IL21R: variants seen among roughly 807,000 people sequenced by gnomAD.
The protein encoded by IL21R is interleukin 21 receptor.
IL21R carries 14 observed loss-of-function variants against 41.3 expected under a neutral mutation model. The ratio of observed to expected loss-of-function variants is 0.34; its 90% CI spans 0.22 to 0.53. The LOEUF (loss-of-function observed/expected upper bound fraction) is 0.53. Ranked by LOEUF, IL21R falls within the 20% of genes least tolerant of loss-of-function variation. The pLI is 0.94. For synonymous variants in IL21R, 286 were observed against 287.6 expected (o/e 0.99, Z 0.05); for missense variants, 588 against 681.6 (o/e 0.86, Z 1.53).
chr16:27,414,189 T>TGTGTGTGTGTGTGTGTGTGA (rs1318192118), intron 1 of IL21R, among the ~76,000 whole-genome samples: 1 of 151,710 alleles, frequency 6.6e-6, no homozygotes, highest in African/African-American at 2.4e-5. Context: ...TGTGTGTGTG[T>TGTGTGTGTGTGTGTGTGTGA]GATCGTAATT....
At chr16:27,406,835 C>T (rs932789792) in intron 1 of IL21R, among the ~76,000 whole-genome samples, 8 of 152,338 alleles carry the variant, frequency 5.3e-5, no homozygotes, top group Non-Finnish European at 7.3e-5. Context: ...GGCAGAGATA[C>T]GGCCAAGTTC....
Position 27,451,351 on chromosome 16 carries a change from T to G in IL21R, c.*2068T>G, listed in dbSNP as rs2087595170. ...GAGGCCAGATTGGGGGACTCTGGAC[T>G]GGGGCAGATGAGGCTCCTCAGAATC... On this transcript the variant is annotated 3_prime_UTR_variant, in exon 9 of 9. Transcript: ENST00000337929. The G allele has an allele frequency of 4.4e-6, 1 of 226,192 alleles. No individual in the cohort carries two copies. The allele number at this position is 226,192 out of a possible 1,614,324, so 14.0% of individuals were successfully genotyped here. A position where few individuals can be genotyped will look rare whatever the true frequency, so the allele number is the denominator to read the frequency against.
At chr16:27,446,727 C>T (rs2087486869) in intron 8 of IL21R, among the ~76,000 whole-genome samples, 1 of 152,160 alleles carries the variant, frequency 6.6e-6, no homozygotes, top group South Asian at 2.1e-4. Flanking sequence ...TCTTAGGTGT[C>T]CTTAATCTGG....
At chr16:27,424,688 C>G (rs2087047480) in intron 1 of IL21R, among the ~76,000 whole-genome samples, 1 of 152,176 alleles carries the variant, frequency 6.6e-6, no homozygotes, top group South Asian at 2.1e-4. Flanking sequence ...TGGCACACTC[C>G]AAGTCAGGTG....
chr16:27,415,686 A>C (rs1400190117), intron 1 of IL21R, among the ~76,000 whole-genome samples: 3 of 152,234 alleles, frequency 2.0e-5, no homozygotes, highest in African/African-American at 7.2e-5. Flanking sequence ...TTCCATGAGA[A>C]ATTAGGCATC....
intron 1 of IL21R, among the ~76,000 whole-genome samples, chr16:27,406,551 G>A (rs550423187): frequency 1.4e-4 from 22 of 152,160 alleles, no homozygotes; most frequent in Non-Finnish European, 2.9e-4. Context: ...CTGAGAGGTC[G>A]CACAGCCTCA....
At chr16:27,431,689 C>T (rs940912967) in intron 2 of IL21R, among the ~76,000 whole-genome samples, 1 of 151,824 alleles carries the variant, frequency 6.6e-6, no homozygotes, top group African/African-American at 2.4e-5. Context: ...CTTGCTTTCT[C>T]ACACAGGCTG....
At position 27,448,715 on chromosome 16, in the gene IL21R, G is replaced by C. The variant is rs752397166; in HGVS notation, c.1049G>C (p.Ser350Thr). The C allele has an allele frequency of 6.2e-7, 1 of 1,613,348 alleles. No homozygotes were observed. Among genetic ancestry groups the C allele is most frequent in the Non-Finnish European group, 8.5e-7 (1 of 1,180,012 alleles). Residue 350 changes from serine to threonine, a missense_variant, in exon 9 of 9, where the codon AGC becomes ACC. By Grantham distance (58) the Ser-to-Thr change is moderately conservative (BLOSUM62 1). Coordinates refer to ENST00000337929, the MANE Select transcript of IL21R (RefSeq NM_181078.3). Reference protein sequence around the residue: ...LVESDGVPKPSFWPTAQNSGG... With the variant: ...LVESDGVPKPTFWPTAQNSGG... ...GAGTCTGACGGTGTGCCCAAGCCCA[G>C]CTTCTGGCCGACAGCCCAGAACTCG...
In IL21R at chr16:27,449,657, G is replaced by A. The variant is rs192781264; in HGVS notation, c.*374G>A. The A allele has an allele frequency of 6.6e-5, 19 of 289,260 alleles. No individual in the cohort carries two copies. The highest frequency in any genetic ancestry group is 2.0e-4 in the South Asian group (2 of 10,026). The allele number at this position is 289,260 out of a possible 1,614,324, so 17.9% of individuals were successfully genotyped here. On this transcript the variant is annotated 3_prime_UTR_variant, in exon 9 of 9. Transcript: ENST00000337929. Reference sequence around the variant, plus strand: ...TTGTGGTCAACAGATGACAACAGCCGTCCTCCCTCCTAGGGTCTTGTGTTG... The same window carrying A: ...TTGTGGTCAACAGATGACAACAGCCATCCTCCCTCCTAGGGTCTTGTGTTG...
rs1382028451 is a variant in IL21R at position 27,425,312 on chromosome 16, G to A, written c.-16-4744G>A. 2.0e-5 allele frequency among the ~76,000 whole-genome samples: 3 copies of A among 152,310 alleles called. No homozygotes were observed. The East Asian group carries it at 5.8e-4, about 29-fold the overall frequency. On this transcript the variant is annotated intron_variant, in intron 1 of 8. Transcript: ENST00000337929. ...ATGGATTCGGGGCAGAGAAGGCAGT[G>A]GAATTAGGGTAGGCCCCATTTGGTG...
At chr16:27,407,730 C>T (rs774949483) in intron 1 of IL21R, among the ~76,000 whole-genome samples, 48 of 152,318 alleles carry the variant, frequency 3.2e-4, no homozygotes, top group Middle Eastern at 3.4e-3. Flanking sequence ...GAGGCTGAGG[C>T]AGGAGACTCA....
Position 27,434,398 on chromosome 16 carries a change from T to C in IL21R, c.101T>C (p.Ile34Thr). The C allele has an allele frequency of 6.2e-7, 1 of 1,614,060 alleles. No homozygotes were observed. Among genetic ancestry groups the C allele is most frequent in the Non-Finnish European group, 8.5e-7 (1 of 1,179,974 alleles). ...TACACCGATTACCTCCAGACGGTCA[T>C]CTGCATCCTGGAAATGTGGAACCTC... ...VCYTDYLQTV[I>T]CILEMWNLHP... The change falls in exon 3 of 9, where the codon ATC becomes ACC. Residue 34 changes from isoleucine (I) to threonine (T), a missense_variant. By Grantham distance (89) the Ile-to-Thr change is moderately conservative (BLOSUM62 -1). Transcript: ENST00000337929.
At chr16:27,443,513 G>A (rs1212241843) in intron 5 of IL21R, among the ~76,000 whole-genome samples, 1 of 152,210 alleles carries the variant, frequency 6.6e-6, no homozygotes, top group African/African-American at 2.4e-5. Context: ...GCCAGGTGCG[G>A]TGGCTCATGC....
At chr16:27,414,042 G>C (rs1039913071) in intron 1 of IL21R, among the ~76,000 whole-genome samples, 1 of 151,798 alleles carries the variant, frequency 6.6e-6, no homozygotes, top group African/African-American at 2.4e-5. Flanking sequence ...TAAATTAAAA[G>C]TTTCTTATCA....
chr16:27,437,553 A>G lies in IL21R; in HGVS notation c.218A>G (p.Asn73Ser), dbSNP rs1362839910. ...TGCAGCCTCCACAGGTCGGCCCACAATGCCACGCATGCCACCTACACCTGC... is the reference window on the plus strand; with the variant it reads ...TGCAGCCTCCACAGGTCGGCCCACAGTGCCACGCATGCCACCTACACCTGC... ...TSCSLHRSAH[N>S]ATHATYTCHM... The change falls in exon 4 of 9, where the codon AAT becomes AGT. Residue 73 changes from asparagine (N) to serine (S), a missense_variant. Coordinates refer to ENST00000337929, the MANE Select transcript of IL21R (RefSeq NM_181078.3). The G allele has an allele frequency of 3.7e-6, 6 of 1,614,084 alleles. No individual in the cohort carries two copies. In the African/African-American group the frequency reaches 8.0e-5, roughly 22 times the overall value.
At chr16:27,439,038 G>A (rs760319094) in intron 4 of IL21R, among the ~76,000 whole-genome samples, 1 of 152,072 alleles carries the variant, frequency 6.6e-6, no homozygotes, top group Non-Finnish European at 1.5e-5. Context: ...CCATGAGCTC[G>A]GGAGTTTCTG....
In IL21R at chr16:27,443,035, C is replaced by T. The variant is rs137868301; in HGVS notation, c.426C>T (p.Tyr142=). The change falls in exon 5 of 9, where the codon TAC becomes TAT. Residue 142 remains tyrosine (Y), a synonymous_variant. Coordinates refer to ENST00000337929, the MANE Select transcript of IL21R (RefSeq NM_181078.3). ...ATAATATCTCCTGGCGCTCAGATTA[C>T]GAAGACCCTGCCTTCTACATGCTGA... The part of the protein sequence containing the change: ...GQYNISWRSD[Y]EDPAFYMLKG... 6.6e-4 allele frequency: 1,066 copies of T among 1,613,888 alleles called. No individual in the cohort carries two copies. Among genetic ancestry groups the T allele is most frequent in the Non-Finnish European group, 8.6e-4 (1,010 of 1,179,848 alleles).
intron 4 of IL21R, among the ~76,000 whole-genome samples, chr16:27,439,063 G>C (rs2087325155): frequency 6.6e-6 from 1 of 152,156 alleles, no homozygotes; most frequent in African/African-American, 2.4e-5. Context: ...TAGATTCCCA[G>C]CAGAGGGGCT....
chr16:27,446,006 G>T lies in IL21R; in HGVS notation c.786-1G>T. The T allele has an allele frequency of 6.2e-7, 1 of 1,612,220 alleles. No individual in the cohort carries two copies. The highest frequency in any genetic ancestry group is 8.5e-7 in the Non-Finnish European group (1 of 1,179,052). On this transcript the variant is annotated splice_acceptor_variant, in intron 7 of 8. Transcript: ENST00000337929. LOFTEE classifies it high-confidence loss of function. Reference sequence around the variant, plus strand: ...GTCCTCACCCCTCTCTGCCCCCTCAGGCTATGGAAGAAGATATGGGCCGTC... The same window carrying T: ...GTCCTCACCCCTCTCTGCCCCCTCATGCTATGGAAGAAGATATGGGCCGTC...
Sources: allele counts gnomAD v4.1 joint callset (sites outside exome capture counted in the v4.1 genomes callset), GRCh38; gene constraint gnomAD v4.1.1; transcripts MANE v1.5; gene names NCBI Gene and HGNC (gene_info 2026-07-23, HGNC 2026-07-21).